Variants in THSD7A observed in about 807,000 individuals in gnomAD.
THSD7A encodes the protein thrombospondin type-1 domain-containing protein 7A.
THSD7A carries 96 observed loss-of-function variants against 231.3 expected under a neutral mutation model. That is an observed-to-expected ratio of 0.41 (90% CI 0.35 to 0.49). The LOEUF is 0.49. Among genes scored for constraint, THSD7A ranks in the 20% least tolerant of loss-of-function variants. The pLI, the probability that THSD7A is intolerant of heterozygous loss-of-function variation, is 0.05. For missense variants in THSD7A, 2,290 were observed against 2,070.2 expected (o/e 1.11, Z -2.06); for synonymous variants, 940 against 743.3 (o/e 1.26, Z -4.30).
chr7:11,704,641 C>A (rs991484893), intron 1 of THSD7A, among the ~76,000 whole-genome samples: 5 of 150,946 alleles, frequency 3.3e-5, no homozygotes, highest in African/African-American at 1.2e-4. Context: ...TGATCTTATT[C>A]ATCTTATTCA....
intron 2 of THSD7A, among the ~76,000 whole-genome samples, chr7:11,606,772 A>T (rs918912914): frequency 6.6e-6 from 1 of 152,104 alleles, no homozygotes; most frequent in Non-Finnish European, 1.5e-5. Context: ...TAAAATATTC[A>T]TTTTGTGTAA....
chr7:11,488,939 G>A (rs1382539774), intron 6 of THSD7A, among the ~76,000 whole-genome samples: 1 of 147,114 alleles, frequency 6.8e-6, no homozygotes, highest in Non-Finnish European at 1.5e-5. Flanking sequence ...TTAGGACTCG[G>A]TTTTCTTCCT....
intron 1 of THSD7A, among the ~76,000 whole-genome samples, chr7:11,690,761 T>A (rs533869500): frequency 7.2e-5 from 11 of 151,814 alleles, no homozygotes; most frequent in Non-Finnish European, 1.6e-4. Flanking sequence ...AATCTTTTTA[T>A]ATAGACTAAA....
At chr7:11,507,941 C>CA (rs371079918) in intron 6 of THSD7A, among the ~76,000 whole-genome samples, 1 of 152,312 alleles carries the variant, frequency 6.6e-6, no homozygotes, top group African/African-American at 2.4e-5. Flanking sequence ...TTAATTGACT[C>CA]ACAGTTCTGC....
chr7:11,380,049 A>C (rs1207407511), intron 24 of THSD7A, among the ~76,000 whole-genome samples: 2 of 152,196 alleles, frequency 1.3e-5, no homozygotes, highest in African/African-American at 4.8e-5. Flanking sequence ...AGCAATTGAA[A>C]AGCTGATTTC....
At chr7:11,495,951 A>G (rs1787079372) in intron 6 of THSD7A, among the ~76,000 whole-genome samples, 1 of 152,178 alleles carries the variant, frequency 6.6e-6, no homozygotes, top group Non-Finnish European at 1.5e-5. Flanking sequence ...TGGAAAGAAT[A>G]CTAATAGAGA....
In THSD7A at chr7:11,811,232, A is replaced by T. The variant is rs1422439079; in HGVS notation, c.190+20525T>A. Among the ~76,000 whole-genome samples, 8 of 152,200 alleles carry T rather than the reference A, an allele frequency of 5.3e-5. No homozygotes were observed. The East Asian group carries it at 1.5e-3, about 29-fold the overall frequency. On this transcript the variant is annotated intron_variant, in intron 1 of 27. Transcript: ENST00000423059. ...TAACCGACAGAATTATCAAGCACAC[A>T]CACACACACGAAACAATGCCATGCA...
intron 2 of THSD7A, among the ~76,000 whole-genome samples, chr7:11,627,527 T>A (rs187082869): frequency 1.3e-5 from 2 of 152,038 alleles, no homozygotes; most frequent in East Asian, 3.8e-4. Context: ...TGACATAATA[T>A]AAATGCAAAG....
At chr7:11,606,785 C>A (rs1352893592) in intron 2 of THSD7A, among the ~76,000 whole-genome samples, 2 of 151,846 alleles carry the variant, frequency 1.3e-5, no homozygotes, top group Non-Finnish European at 2.9e-5. Context: ...TTGTGTAAAG[C>A]AAAATATATT....
intron 1 of THSD7A, among the ~76,000 whole-genome samples, chr7:11,653,244 A>T (rs1782575466): frequency 6.6e-6 from 1 of 151,402 alleles, no homozygotes; most frequent in African/African-American, 2.4e-5. Context: ...AAAATTTGAG[A>T]ATTTAAGAGG....
At chr7:11,544,867 A>G (rs1789312275) in intron 4 of THSD7A, among the ~76,000 whole-genome samples, 1 of 143,924 alleles carries the variant, frequency 6.9e-6, no homozygotes, top group Admixed American at 7.6e-5. Flanking sequence ...ACTGGGCACT[A>G]ATTGGCTTAG....
intron 1 of THSD7A, among the ~76,000 whole-genome samples, chr7:11,815,560 C>T (rs960835861): frequency 3.3e-5 from 5 of 152,088 alleles, no homozygotes; most frequent in South Asian, 4.2e-4. Context: ...TATTAATAAA[C>T]CTGAAAGGAT....
At chr7:11,395,620 C>A (rs1224775802) in intron 23 of THSD7A, among the ~76,000 whole-genome samples, 5 of 151,820 alleles carry the variant, frequency 3.3e-5, no homozygotes, top group Non-Finnish European at 7.4e-5. Flanking sequence ...CTCCACCTCC[C>A]AGGTTAAAGT....
chr7:11,797,542 G>C, intron 1 of THSD7A, among the ~76,000 whole-genome samples: 1 of 150,238 alleles, frequency 6.7e-6, no homozygotes, highest in Non-Finnish European at 1.5e-5. Flanking sequence ...TCAGCCTCCT[G>C]AGTAACTGGG....
chr7:11,772,812 C>T (rs1187861192), intron 1 of THSD7A, among the ~76,000 whole-genome samples: 1 of 152,132 alleles, frequency 6.6e-6, no homozygotes, highest in Non-Finnish European at 1.5e-5. Context: ...ATTCCGGTGA[C>T]ATGCAACTTA....
intron 1 of THSD7A, among the ~76,000 whole-genome samples, chr7:11,771,677 C>T (rs1486090850): frequency 2.0e-5 from 3 of 151,378 alleles, no homozygotes; most frequent in Admixed American, 6.6e-5. Flanking sequence ...AAAAAGCATA[C>T]GAAAAAATAC....
chr7:11,714,603 T>G, intron 1 of THSD7A, among the ~76,000 whole-genome samples: 1 of 151,274 alleles, frequency 6.6e-6, no homozygotes, highest in Admixed American at 6.6e-5. Flanking sequence ...ATTAGCCACC[T>G]TTCTCACCCT....
chr7:11,760,751 C>T (rs1008956984), intron 1 of THSD7A, among the ~76,000 whole-genome samples: 6 of 151,798 alleles, frequency 4.0e-5, no homozygotes, highest in Non-Finnish European at 8.8e-5. Flanking sequence ...AGTTTAAAAC[C>T]ATATAATCAA....
rs1218020551 is a variant in THSD7A, at chr7:11,422,229, A to T, written c.3383+2467T>A. Among the ~76,000 whole-genome samples, 17 of 152,306 alleles carry T rather than the reference A, an allele frequency of 1.1e-4. No homozygotes were observed. The East Asian group carries it at 2.9e-3, about 26-fold the overall frequency. ...ATTCTAGAAAAAGTCAGTGAAAAAA[A>T]TATCCTTCCCTACCAAGGTAAACCA... On this transcript the variant is annotated intron_variant, in intron 16 of 27. Transcript: ENST00000423059.
Sources: allele counts gnomAD v4.1 joint callset (sites outside exome capture counted in the v4.1 genomes callset), GRCh38; gene constraint gnomAD v4.1.1; transcripts MANE v1.5; gene names NCBI Gene and HGNC (gene_info 2026-07-23, HGNC 2026-07-21).